Variants in JAK2 observed in about 807,000 individuals in gnomAD.
JAK2 encodes the protein tyrosine-protein kinase JAK2.
JAK2 carries 86 observed loss-of-function variants against 139.3 expected under a neutral mutation model. The ratio of observed to expected loss-of-function variants is 0.62; its 90% CI spans 0.52 to 0.74. JAK2 has a LOEUF of 0.74. JAK2 is among the 30% of genes least tolerant of loss of function. The probability of loss-of-function intolerance (pLI) is 0.00; values close to 1 mark genes in which losing one functional copy is unlikely to be tolerated. For synonymous variants in JAK2, 490 were observed against 437.7 expected, an observed-to-expected ratio of 1.12 and a Z score of -1.49; for missense variants, 1,421 against 1,360.3, an observed-to-expected ratio of 1.04 and a Z score of -0.70.
At chr9:5,024,424 G>C (rs1176796814) in intron 3 of JAK2, among the ~76,000 whole-genome samples, 1 of 151,920 alleles carries the variant, frequency 6.6e-6, no homozygotes, top group Non-Finnish European at 1.5e-5. Context: ...TCTGTGTTGG[G>C]GCTCTCATTC....
chr9:5,065,950 C>G (rs1818538193), intron 9 of JAK2, among the ~76,000 whole-genome samples: 1 of 152,146 alleles, frequency 6.6e-6, no homozygotes, highest in Admixed American at 6.5e-5. Context: ...AGTTGTACTA[C>G]TTGAACTTTA....
chr9:5,000,637 T>G (rs1382813173), intron 2 of JAK2, among the ~76,000 whole-genome samples: 1 of 152,154 alleles, frequency 6.6e-6, no homozygotes, highest in Non-Finnish European at 1.5e-5. Flanking sequence ...TCATGGCCAA[T>G]TTTTATAAAT....
At chr9:5,102,305 A>G (rs993007786) in intron 22 of JAK2, among the ~76,000 whole-genome samples, 1 of 152,216 alleles carries the variant, frequency 6.6e-6, no homozygotes, top group Admixed American at 6.5e-5. Flanking sequence ...TTGAAGATCA[A>G]ATTAATGAAA....
At chr9:5,021,764 A>G (rs374228555) in intron 2 of JAK2, among the ~76,000 whole-genome samples, 199 bp from the exon 3 acceptor site, 6 of 152,196 alleles carry the variant, frequency 3.9e-5, no homozygotes, top group African/African-American at 1.2e-4. Flanking sequence ...AGCTAGGACT[A>G]CAAGTGCGTG....
intron 4 of JAK2, among the ~76,000 whole-genome samples, chr9:5,036,458 G>A (rs996565502): frequency 9.9e-5 from 15 of 151,928 alleles, no homozygotes; most frequent in South Asian, 2.1e-4. Context: ...GAGGCATCAC[G>A]CTACCTGACT....
At chr9:5,096,037 A>G (rs1437629424) in intron 22 of JAK2, among the ~76,000 whole-genome samples, 2 of 152,206 alleles carry the variant, frequency 1.3e-5, no homozygotes, top group Admixed American at 6.5e-5. Flanking sequence ...AGAATTTTCA[A>G]AAAACAATAG....
intron 2 of JAK2, among the ~76,000 whole-genome samples, chr9:4,997,090 G>A (rs192435535): frequency 9.4e-4 from 143 of 151,784 alleles, no homozygotes; most frequent in African/African-American, 3.4e-3. Context: ...CACTAGGCCT[G>A]GCTAATTTTT....
chr9:5,020,325 G>A (rs930707860), intron 2 of JAK2, among the ~76,000 whole-genome samples: 12 of 152,142 alleles, frequency 7.9e-5, no homozygotes, highest in African/African-American at 2.7e-4. Context: ...AAACTGGTGC[G>A]ATCCCAAGGC....
intron 8 of JAK2, among the ~76,000 whole-genome samples, chr9:5,058,158 C>T (rs1817900496): frequency 6.6e-6 from 1 of 152,116 alleles, no homozygotes; most frequent in Non-Finnish European, 1.5e-5. Context: ...CATGGGTGTA[C>T]AAATATCTCT....
chr9:5,003,224 T>TA (rs1438691828), intron 2 of JAK2, among the ~76,000 whole-genome samples: 1 of 151,972 alleles, frequency 6.6e-6, no homozygotes, highest in Non-Finnish European at 1.5e-5. Flanking sequence ...TTCACAGACT[T>TA]TAGGATCAAC....
At position 5,066,455 on chromosome 9, in the gene JAK2, T is replaced by C. The variant is rs74522569; in HGVS notation, c.1215-223T>C. On this transcript the variant is annotated intron_variant, in intron 9 of 24. Transcript: ENST00000381652. ...GATTTTGTCTTATAAATACCTTTTA[T>C]TGGTTTTTAAAGCTATATAATTGTC... is the stretch of plus-strand genomic sequence containing the variant. Among the ~76,000 whole-genome samples the C allele has an allele frequency of 0.085, 12,929 of 152,118 alleles. 1,626 individuals carry two copies. The highest frequency in any genetic ancestry group is 0.28 in the African/African-American group (11,607 of 41,466).
chr9:5,105,830 T>C (rs1456903251), intron 22 of JAK2, among the ~76,000 whole-genome samples: 1 of 152,216 alleles, frequency 6.6e-6, no homozygotes, highest in African/African-American at 2.4e-5. Flanking sequence ...CCTTATTTAA[T>C]AAATGGTGCT....
chr9:5,114,282 G>A (rs1235767983), intron 22 of JAK2: 18 of 543,296 alleles, frequency 3.3e-5, no homozygotes, highest in Non-Finnish European at 3.6e-6. Context: ...ACCCAGCAAG[G>A]AGAACGTGAA....
rs138171213 is a variant in JAK2, at chr9:5,114,232, G to T, written c.3060-8772G>T. The T allele has an allele frequency of 4.8e-4, 252 of 521,900 alleles. 1 individual carries two copies. The East Asian group carries it at 9.9e-3, about 21-fold the overall frequency. 32.3% of individuals were successfully genotyped at this position (521,900 alleles called of 1,614,324 possible). A position where few individuals can be genotyped will look rare whatever the true frequency, so the allele number is the denominator to read the frequency against. On this transcript the variant is annotated intron_variant, in intron 22 of 24. Coordinates refer to ENST00000381652, the MANE Select transcript of JAK2 (RefSeq NM_004972.4). ...TCCAGCCCCTTCTACCTGTTCATCC[G>T]CAAGTTGCCCACAATCACCTGTCTG...
In JAK2 at chr9:5,038,558, T is replaced by C. The variant is rs943079472; in HGVS notation, c.351-5845T>C. On this transcript the variant is annotated intron_variant, in intron 4 of 24. Transcript: ENST00000381652. The stretch of plus-strand genomic sequence containing the variant: ...AGCAATACAGCTTGAATATGTCTTA[T>C]CTGAAATGCTTGGGACCAGAAGTGT... Among the ~76,000 whole-genome samples the C allele has an allele frequency of 6.6e-5, 10 of 151,360 alleles. No individual in the cohort carries two copies. In the South Asian group the frequency reaches 1.9e-3, roughly 28 times the overall value.
At chr9:5,108,523 T>C (rs1019358620) in intron 22 of JAK2, 1 of 152,172 alleles carries the variant, frequency 6.6e-6, no homozygotes, top group African/African-American at 2.4e-5. Context: ...GCATGTATTA[T>C]GGCCTTTATA....
At chr9:5,082,525 G>T (rs1819777395) in intron 19 of JAK2, among the ~76,000 whole-genome samples, 1 of 152,232 alleles carries the variant, frequency 6.6e-6, no homozygotes, top group African/African-American at 2.4e-5. Flanking sequence ...TCAGTTCCCA[G>T]GGGCAGGCAG....
At chr9:5,007,062 G>T (rs919067389) in intron 2 of JAK2, among the ~76,000 whole-genome samples, 10 of 151,588 alleles carry the variant, frequency 6.6e-5, no homozygotes, top group African/African-American at 2.4e-4. Context: ...CAATTTTAAT[G>T]CTTTTAAAAA....
intron 22 of JAK2, chr9:5,098,669 T>C (rs761436325): frequency 1.3e-5 from 2 of 152,126 alleles, no homozygotes; most frequent in Non-Finnish European, 2.9e-5. Context: ...TATGAATATA[T>C]AGACTATGAA....
Sources: gnomAD v4.1 joint callset for allele counts (sites outside exome capture counted in the v4.1 genomes callset) on GRCh38, gnomAD v4.1.1 for gene constraint, MANE v1.5 for transcripts, NCBI Gene and HGNC (gene_info 2026-07-23, HGNC 2026-07-21) for gene names.